Variants in CARMIL1 observed in about 807,000 individuals in gnomAD.
CARMIL1 encodes the protein capping protein regulator and myosin 1 linker 1, also known as F-actin-uncapping protein LRRC16A.
Under a neutral mutation model 177.1 loss-of-function variants are expected in CARMIL1, and 90 were observed. That is an observed-to-expected ratio of 0.51 (90% confidence interval 0.43 to 0.61). The LOEUF is 0.61. CARMIL1 is among the 20% of genes least tolerant of loss of function. The probability of loss-of-function intolerance (pLI) is 0.00; values close to 1 mark genes in which losing one functional copy is unlikely to be tolerated. For missense variants in CARMIL1, 1,380 were observed against 1,667.0 expected, an observed-to-expected ratio of 0.83 and a Z score of 3.00; for synonymous variants, 577 against 606.2, an observed-to-expected ratio of 0.95 and a Z score of 0.71.
At chr6:25,589,793 C>T (rs1814124292) in intron 31 of CARMIL1, among the ~76,000 whole-genome samples, 1 of 152,206 alleles carries the variant, frequency 6.6e-6, no homozygotes. Context: ...CGGCCCATTG[C>T]TTCTCTCCTT....
At chr6:25,567,702 G>A (rs1016287548) in intron 29 of CARMIL1, among the ~76,000 whole-genome samples, 2 of 152,206 alleles carry the variant, frequency 1.3e-5, no homozygotes, top group Non-Finnish European at 2.9e-5. Flanking sequence ...TGGCCTAAAT[G>A]TGGGTGGAGG....
At chr6:25,425,034 C>T (rs1796169450) in intron 3 of CARMIL1, among the ~76,000 whole-genome samples, 1 of 152,112 alleles carries the variant, frequency 6.6e-6, no homozygotes, top group African/African-American at 2.4e-5. Flanking sequence ...AAAATAATTT[C>T]CTGCTTTAAA....
intron 35 of CARMIL1, 129 bp downstream of exon 35, chr6:25,606,402 C>T: frequency 1.3e-6 from 1 of 748,154 alleles, no homozygotes; most frequent in Non-Finnish European, 2.1e-6. Context: ...AGGAGGGGAT[C>T]ACAAGAAACC....
intron 8 of CARMIL1, chr6:25,452,364 T>A: frequency 1.6e-6 from 1 of 616,518 alleles, no homozygotes; most frequent in South Asian, 2.0e-5. Context: ...AATATTTTAC[T>A]TTGTAAGTAT....
At chr6:25,516,110 G>T (rs372289670) in intron 21 of CARMIL1, among the ~76,000 whole-genome samples, 3 of 152,080 alleles carry the variant, frequency 2.0e-5, no homozygotes, top group African/African-American at 7.2e-5. Flanking sequence ...TTCCTATTTC[G>T]CATCAGTGTT....
chr6:25,519,974 A>G lies in CARMIL1; in HGVS notation c.1875-270A>G, dbSNP rs115737396. Among the ~76,000 whole-genome samples, 443 of 152,270 alleles carry G rather than the reference A, an allele frequency of 2.9e-3. 5 individuals carry two copies. Among genetic ancestry groups the G allele is most frequent in the African/African-American group, 9.6e-3 (400 of 41,536 alleles). ...GTGTGAAAATTCTGTCCTTGATGGAATCCAAAATTAAAAACAAAACAACAA... is the reference window on the plus strand; with the variant it reads ...GTGTGAAAATTCTGTCCTTGATGGAGTCCAAAATTAAAAACAAAACAACAA... On this transcript the variant is annotated intron_variant, in intron 22 of 36. Transcript: ENST00000329474.
intron 29 of CARMIL1, 54 bp downstream of exon 29, chr6:25,556,904 GT>G (rs34575637): frequency 0.027 from 30,297 of 1,114,314 alleles, 2 homozygotes; most frequent in Admixed American, 0.033. Context: ...CTGTGCCATT[GT>G]TTTTTTTTTT....
chr6:25,441,337 A>ATATATATGTGTGTG lies in CARMIL1; in HGVS notation c.371+5734_371+5735insATATATGTGTGTGT. On this transcript the variant is annotated intron_variant, in intron 5 of 36. Transcript: ENST00000329474. ...CAAACAAACATATATATATATATAT[A>ATATATATGTGTGTG]TGTGTGTGTGTGTGTGTGTGTGTGT... Among the ~76,000 whole-genome samples, 609 of 94,502 alleles carry ATATATATGTGTGTG rather than the reference A, an allele frequency of 6.4e-3. 6 individuals are homozygous for ATATATATGTGTGTG. Among genetic ancestry groups the ATATATATGTGTGTG allele is most frequent in the African/African-American group, 0.018 (406 of 22,850 alleles). The allele number at this position is 94,502 out of a possible 152,430, so 62.0% of individuals were successfully genotyped here. A position where few individuals can be genotyped will look rare whatever the true frequency, so the allele number is the denominator to read the frequency against.
intron 2 of CARMIL1, among the ~76,000 whole-genome samples, chr6:25,384,077 G>A (rs1323057336): frequency 6.6e-6 from 1 of 152,164 alleles, no homozygotes; most frequent in Non-Finnish European, 1.5e-5. Context: ...GACCTCAAGC[G>A]CTCCGCCCAC....
At chr6:25,533,938 C>T (rs150257323) in intron 24 of CARMIL1, among the ~76,000 whole-genome samples, 33 of 152,210 alleles carry the variant, frequency 2.2e-4, no homozygotes, top group African/African-American at 7.2e-4. Flanking sequence ...TTTGCCATTT[C>T]ACTCAGGGAC....
chr6:25,450,037 G>A, intron 6 of CARMIL1, 42 bp downstream of exon 6: 1 of 1,482,228 alleles, frequency 6.7e-7, no homozygotes, highest in Middle Eastern at 1.8e-4. Context: ...TAGCTGGATG[G>A]ATATCCCCCT....
At chr6:25,471,625 G>A (rs59710518) in intron 10 of CARMIL1, among the ~76,000 whole-genome samples, 2,337 of 152,222 alleles carry the variant, frequency 0.015, 35 homozygotes, top group African/African-American at 0.042. Flanking sequence ...AATTGCTAGG[G>A]TAAATGAATT....
chr6:25,563,973 T>A (rs1811349127), intron 29 of CARMIL1: 1 of 543,948 alleles, frequency 1.8e-6, no homozygotes, highest in African/African-American at 2.1e-5. Context: ...AAAAAAATGA[T>A]CTGACATAAA....
At chr6:25,279,866 C>T (rs764292631) in intron 1 of CARMIL1, 31 bp downstream of exon 1, 22 of 1,612,150 alleles carry the variant, frequency 1.4e-5, no homozygotes, top group Middle Eastern at 1.6e-4. Context: ...GGTTTTCCAC[C>T]TTCCTCTGCG....
chr6:25,450,121 A>G lies in CARMIL1; in HGVS notation c.469+126A>G, dbSNP rs189311935. ...AGTTTCAAGGTGTAATTAGCAGCGC[A>G]CAGACTTTAGATTGGTGGACAAAAG... On this transcript the variant is annotated intron_variant, in intron 6 of 36. Transcript: ENST00000329474. 5.9e-6 allele frequency: 5 copies of G among 840,522 alleles called. No individual in the cohort carries two copies. The Admixed American group carries it at 1.4e-4, about 23-fold the overall frequency. 52.1% of individuals were successfully genotyped at this position (840,522 alleles called of 1,614,324 possible).
intron 26 of CARMIL1, among the ~76,000 whole-genome samples, chr6:25,542,815 T>A (rs1041156470): frequency 1.1e-4 from 16 of 152,206 alleles, no homozygotes; most frequent in African/African-American, 3.9e-4. Context: ...CATTTGTCTA[T>A]ATAAATTTCC....
In CARMIL1 at chr6:25,581,561, C is replaced by A. The variant is rs573211485; in HGVS notation, c.3006+122C>A. 9.5e-6 allele frequency: 8 copies of A among 845,052 alleles called. No individual in the cohort carries two copies. In the Admixed American group the frequency reaches 1.8e-4, roughly 19 times the overall value. 52.3% of individuals were successfully genotyped at this position (845,052 alleles called of 1,614,324 possible). On this transcript the variant is annotated intron_variant, in intron 31 of 36. Coordinates refer to ENST00000329474, the MANE Select transcript of CARMIL1 (RefSeq NM_017640.6). ...AAGCTATGGTTAAGGAGACTAGAAC[C>A]TCTTTGCATGAGATATACAAAGTAT...
chr6:25,451,986 G>GGGGGGGGGGGGC, intron 8 of CARMIL1: 1 of 112,670 alleles, frequency 8.9e-6, no homozygotes, highest in Non-Finnish European at 1.7e-5. Flanking sequence ...CTAGCATCTT[G>GGGGGGGGGGGGC]CCCCCCCCTC....
chr6:25,587,044 A>G (rs1282421754), intron 31 of CARMIL1, among the ~76,000 whole-genome samples: 68 of 63,724 alleles, frequency 1.1e-3, no homozygotes, highest in African/African-American at 3.3e-3. Context: ...GGAAAGGGAG[A>G]GGGAGGGGGA....
Sources: allele counts gnomAD v4.1 joint callset (sites outside exome capture counted in the v4.1 genomes callset), GRCh38; gene constraint gnomAD v4.1.1; transcripts MANE v1.5; gene names NCBI Gene and HGNC (gene_info 2026-07-23, HGNC 2026-07-21).